KCTD1: variants seen among roughly 807,000 people sequenced by gnomAD.
KCTD1 encodes the protein BTB/POZ domain-containing protein KCTD1.
KCTD1 carries 24 observed loss-of-function variants against 66.0 expected under a neutral mutation model. The ratio of observed to expected loss-of-function variants is 0.36; its 90% CI spans 0.26 to 0.51. KCTD1 has a LOEUF of 0.51. Among genes scored for constraint, KCTD1 ranks in the 20% least tolerant of loss-of-function variants. The pLI is 0.95. For synonymous variants in KCTD1, 511 were observed against 517.2 expected, an observed-to-expected ratio of 0.99 and a Z score of 0.16; for missense variants, 943 against 1,205.2, an observed-to-expected ratio of 0.78 and a Z score of 3.22.
At chr18:26,635,430 G>C (rs1184696796) in intron 1 of KCTD1, among the ~76,000 whole-genome samples, 1 of 152,244 alleles carries the variant, frequency 6.6e-6, no homozygotes, top group Non-Finnish European at 1.5e-5. Flanking sequence ...TGAATCCCCA[G>C]ACCTGGTCGT....
chr18:26,475,679 C>T (rs7237568), intron 3 of KCTD1, among the ~76,000 whole-genome samples: 4,690 of 152,032 alleles, frequency 0.031, 244 homozygotes, highest in African/African-American at 0.11. Context: ...GGTGACACCC[C>T]GTCTCTACTA....
chr18:26,568,587 T>C (rs1251776270), intron 1 of KCTD1, among the ~76,000 whole-genome samples: 1 of 151,492 alleles, frequency 6.6e-6, no homozygotes, highest in African/African-American at 2.4e-5. Context: ...AAAAAAAAAA[T>C]GAGGTAGGTT....
At chr18:26,480,827 C>CTA (rs1346609833) in intron 2 of KCTD1, among the ~76,000 whole-genome samples, 2 of 152,054 alleles carry the variant, frequency 1.3e-5, no homozygotes, top group Non-Finnish European at 2.9e-5. Context: ...AATGCAAGAC[C>CTA]TAATCTCTGA....
chr18:26,608,955 C>A (rs1169452002), intron 1 of KCTD1, among the ~76,000 whole-genome samples: 1 of 152,136 alleles, frequency 6.6e-6, no homozygotes, highest in Non-Finnish European at 1.5e-5. Context: ...TATAGTTCAT[C>A]GCATTCTGGT....
intron 1 of KCTD1, among the ~76,000 whole-genome samples, chr18:26,647,205 G>A (rs1435526470): frequency 6.6e-6 from 1 of 151,872 alleles, no homozygotes; most frequent in Non-Finnish European, 1.5e-5. Flanking sequence ...AATATTCTCA[G>A]CCACTAAAAA....
chr18:26,615,382 T>C (rs182653361), intron 1 of KCTD1, among the ~76,000 whole-genome samples: 1 of 152,338 alleles, frequency 6.6e-6, no homozygotes, highest in East Asian at 1.9e-4. Context: ...ATTTTGCTAG[T>C]CTGTCAGATT....
chr18:26,526,674 C>T (rs1036448243), intron 1 of KCTD1, among the ~76,000 whole-genome samples: 1 of 152,164 alleles, frequency 6.6e-6, no homozygotes, highest in Non-Finnish European at 1.5e-5. Flanking sequence ...TTCAGCACAT[C>T]CAGAGGGATG....
chr18:26,551,142 T>A (rs902196916), upstream of KCTD1, among the ~76,000 whole-genome samples: 2 of 152,222 alleles, frequency 1.3e-5, no homozygotes, highest in Non-Finnish European at 2.9e-5. Flanking sequence ...GCTCGCAGTT[T>A]GCCGGAGGCG....
At chr18:26,645,623 C>G (rs936991717) in intron 1 of KCTD1, among the ~76,000 whole-genome samples, 1 of 152,160 alleles carries the variant, frequency 6.6e-6, no homozygotes, top group African/African-American at 2.4e-5. Context: ...GTCTCAAACT[C>G]CTGACCTTAA....
At chr18:26,532,261 C>CTTTCTTTTTTTTTTTTTT (rs1394278500) in intron 1 of KCTD1, among the ~76,000 whole-genome samples, 2 of 29,556 alleles carry the variant, frequency 6.8e-5, no homozygotes, top group African/African-American at 1.3e-4. Context: ...TTCTTTCCTT[C>CTTTCTTTTTTTTTTTTTT]TTTTTTTTTT....
intron 1 of KCTD1, among the ~76,000 whole-genome samples, chr18:26,638,904 C>A (rs897177694): frequency 2.6e-5 from 4 of 152,206 alleles, no homozygotes; most frequent in African/African-American, 9.6e-5. Context: ...CTTGCTCTGT[C>A]TTGTTTTTAG....
chr18:26,604,978 G>A (rs1986979445), intron 1 of KCTD1, among the ~76,000 whole-genome samples: 5 of 152,146 alleles, frequency 3.3e-5, no homozygotes, highest in African/African-American at 1.2e-4. Flanking sequence ...TAGGAACCCA[G>A]GTTCCTTCTA....
chr18:26,550,780 C>A (rs1202976870), upstream of KCTD1, among the ~76,000 whole-genome samples: 2 of 152,268 alleles, frequency 1.3e-5, no homozygotes, highest in Non-Finnish European at 2.9e-5. This position sits in a 1 kb window ranked among gnomAD's most constrained non-coding sequence, Gnocchi z 5.4. Flanking sequence ...AAGTTAGTTG[C>A]ACACTGGGAC....
chr18:26,547,513 CGTCCTCGTCCATGGCCAGCCCAAAAGA>C lies in KCTD1; in HGVS notation c.997_1023del (p.Ser333_Asp341del). 6.4e-7 allele frequency: 1 copy of C among 1,551,558 alleles called. No individual in the cohort carries two copies. ...GACTTGAAGTAGACGAACTTGCGAC[CGTCCTCGTCCATGGCCAGCCCAAAAGA>C]GTCCTCCTCCAACTCACGCTGGTTC... On this transcript the variant is annotated inframe_deletion, in exon 1 of 5. Coordinates refer to ENST00000580059, the MANE Select transcript of KCTD1 (RefSeq NM_001142730.3).
At chr18:26,540,858 T>C (rs1984942779) in intron 1 of KCTD1, among the ~76,000 whole-genome samples, 2 of 152,152 alleles carry the variant, frequency 1.3e-5, no homozygotes, top group South Asian at 4.1e-4. Flanking sequence ...TTAAAAGCAG[T>C]GTTTTGACTG....
At chr18:26,532,261 C>CTTTT (rs533359603) in intron 1 of KCTD1, among the ~76,000 whole-genome samples, 302 of 29,518 alleles carry the variant, frequency 0.01, 21 homozygotes, top group Middle Eastern at 0.025. Flanking sequence ...TTCTTTCCTT[C>CTTTT]TTTTTTTTTT....
Position 26,656,545 on chromosome 18 carries a change from ACGAAGAGCGCCGGGCACCGGCCGCGG to A in KCTD1, c.9+789_9+814del, listed in dbSNP as rs552700829. Among the ~76,000 whole-genome samples the A allele has an allele frequency of 5.5e-3, 840 of 151,836 alleles. 6 individuals carry two copies. The highest frequency in any genetic ancestry group is 0.019 in the African/African-American group (797 of 41,454). On this transcript the variant is annotated intron_variant, in intron 1 of 4. Transcript: ENST00000580191. ...CGAATCTGGACCAGCCCGGCCGGCG[ACGAAGAGCGCCGGGCACCGGCCGCGG>A]CCCACAAAGGGGAGCGGCGTGGTCC...
At chr18:26,511,483 C>T (rs903131819) in intron 1 of KCTD1, among the ~76,000 whole-genome samples, 1 of 152,134 alleles carries the variant, frequency 6.6e-6, no homozygotes, top group Admixed American at 6.5e-5. Context: ...TTCCTGAAGT[C>T]GCCCTGCACA....
chr18:26,607,559 C>T (rs1293363142), intron 1 of KCTD1, among the ~76,000 whole-genome samples: 2 of 152,180 alleles, frequency 1.3e-5, no homozygotes, highest in African/African-American at 2.4e-5. Context: ...AATATAGTTT[C>T]TTATAATGCC....
Sources: allele counts gnomAD v4.1 joint callset (sites outside exome capture counted in the v4.1 genomes callset), GRCh38; gene constraint gnomAD v4.1.1; non-coding constraint Gnocchi (gnomAD v3.1); transcripts MANE v1.5; gene names NCBI Gene and HGNC (gene_info 2026-07-23, HGNC 2026-07-21).